SNTG2: variants seen among roughly 807,000 people sequenced by gnomAD.
The protein encoded by SNTG2 is syntrophin gamma 2.
A neutral mutation model predicts 70.9 loss-of-function variants in SNTG2; 74 were observed. The ratio of observed to expected loss-of-function variants is 1.04; its 90% CI spans 0.86 to 1.27. The LOEUF (loss-of-function observed/expected upper bound fraction) is 1.27, where lower values mean the gene tolerates loss of function less well. Ranked by LOEUF, SNTG2 falls within the 50% of genes most tolerant of loss-of-function variation. The probability of loss-of-function intolerance (pLI) is 0.00; values close to 1 mark genes in which losing one functional copy is unlikely to be tolerated. For missense variants in SNTG2, 717 were observed against 690.7 expected, an observed-to-expected ratio of 1.04 and a Z score of -0.43; for synonymous variants, 278 against 273.8, an observed-to-expected ratio of 1.02 and a Z score of -0.15.
chr2:1,078,896 A>G (rs1664097363), intron 1 of SNTG2, among the ~76,000 whole-genome samples: 1 of 152,196 alleles, frequency 6.6e-6, no homozygotes, highest in African/African-American at 2.4e-5. Flanking sequence ...CAACCAAGAC[A>G]GCAGGGTGAT....
chr2:1,235,799 C>T (rs1044678555), intron 9 of SNTG2, among the ~76,000 whole-genome samples: 5 of 152,198 alleles, frequency 3.3e-5, no homozygotes, highest in Non-Finnish European at 7.3e-5. Flanking sequence ...AGAATAAAAG[C>T]GTAGAGCTCT....
intron 16 of SNTG2, among the ~76,000 whole-genome samples, chr2:1,337,438 T>C (rs976516025): frequency 2.6e-5 from 4 of 152,306 alleles, no homozygotes; most frequent in Admixed American, 1.3e-4. Context: ...TTCTAATGAT[T>C]ATTGATGTTG....
chr2:1,172,538 G>A (rs1170207256), intron 7 of SNTG2, among the ~76,000 whole-genome samples: 1 of 152,190 alleles, frequency 6.6e-6, no homozygotes, highest in African/African-American at 2.4e-5. Flanking sequence ...GTAATCCATG[G>A]AGCATGAAGA....
At chr2:1,232,225 A>G (rs971433784) in intron 9 of SNTG2, among the ~76,000 whole-genome samples, 4 of 152,126 alleles carry the variant, frequency 2.6e-5, no homozygotes, top group African/African-American at 9.7e-5. Flanking sequence ...CAGGGGAGAA[A>G]TTCTCTTTCT....
intron 13 of SNTG2, among the ~76,000 whole-genome samples, chr2:1,264,602 C>T (rs922141388): frequency 6.6e-6 from 1 of 152,264 alleles, no homozygotes; most frequent in Non-Finnish European, 1.5e-5. Context: ...CATTTCAGAC[C>T]ATTCATCTCA....
At chr2:1,073,644 T>C (rs1663725019) in intron 1 of SNTG2, among the ~76,000 whole-genome samples, 3 of 152,312 alleles carry the variant, frequency 2.0e-5, no homozygotes, top group Middle Eastern at 6.8e-3. Context: ...TTGTTCTTCT[T>C]TCACACACAC....
intron 16 of SNTG2, among the ~76,000 whole-genome samples, chr2:1,355,854 A>G (rs1169484516): frequency 6.6e-6 from 1 of 152,102 alleles, no homozygotes; most frequent in East Asian, 1.9e-4. Flanking sequence ...GGTATTTTCT[A>G]TGTGGATGTG....
At chr2:1,299,468 C>T (rs1680357911) in intron 14 of SNTG2, among the ~76,000 whole-genome samples, 1 of 152,148 alleles carries the variant, frequency 6.6e-6, no homozygotes, top group Non-Finnish European at 1.5e-5. Context: ...ACCCCAGCTT[C>T]CATCCCTGTC....
intron 1 of SNTG2, among the ~76,000 whole-genome samples, chr2:994,844 CT>C (rs1461050518): frequency 1.3e-5 from 2 of 150,138 alleles, no homozygotes; most frequent in African/African-American, 4.9e-5. Flanking sequence ...GAATTATTTC[CT>C]TAATTTTAGT....
chr2:1,158,340 A>G (rs1263207590), intron 6 of SNTG2: 1 of 152,212 alleles, frequency 6.6e-6, no homozygotes, highest in Non-Finnish European at 1.5e-5. Context: ...ATCTGAGTAC[A>G]CTATGAGAAG....
At chr2:1,137,477 C>G in intron 4 of SNTG2, 145 bp from the exon 5 acceptor site, 1 of 793,102 alleles carries the variant, frequency 1.3e-6, no homozygotes, top group Non-Finnish European at 2.1e-6. Flanking sequence ...CACACACAAA[C>G]ACACATCTGC....
chr2:1,214,757 C>T (rs1046780005), intron 9 of SNTG2, among the ~76,000 whole-genome samples: 9 of 152,144 alleles, frequency 5.9e-5, no homozygotes, highest in African/African-American at 1.2e-4. Flanking sequence ...CTTGTTAGCA[C>T]TTCCAGTACT....
chr2:1,072,253 C>T (rs902417859), intron 1 of SNTG2, among the ~76,000 whole-genome samples: 3 of 151,878 alleles, frequency 2.0e-5, no homozygotes, highest in Non-Finnish European at 4.4e-5. Context: ...AAAGGACAAG[C>T]TGACTCTCTG....
Position 1,295,832 on chromosome 2 carries a change from C to T in SNTG2, c.1285-12662C>T, listed in dbSNP as rs185884041. On this transcript the variant is annotated intron_variant, in intron 14 of 16. Coordinates refer to ENST00000308624, the MANE Select transcript of SNTG2 (RefSeq NM_018968.4). ...ATCAATGTCTTCCACTGTAGAAGGC[C>T]GAGTCTCCTATGTTGGGGTAGGAGG... 7.5e-3 allele frequency among the ~76,000 whole-genome samples: 698 copies of T among 92,678 alleles called. 6 individuals carry two copies. Among genetic ancestry groups the T allele is most frequent in the African/African-American group, 0.027 (622 of 23,470 alleles). The allele number at this position is 92,678 out of a possible 152,430, so 60.8% of individuals were successfully genotyped here. A position where few individuals can be genotyped will look rare whatever the true frequency, so the allele number is the denominator to read the frequency against.
intron 14 of SNTG2, among the ~76,000 whole-genome samples, chr2:1,279,222 G>A (rs1455842886): frequency 1.3e-5 from 2 of 152,208 alleles, no homozygotes; most frequent in African/African-American, 4.8e-5. Context: ...GACTCTTACA[G>A]CGTTGCAGTG....
intron 1 of SNTG2, among the ~76,000 whole-genome samples, chr2:991,554 T>C (rs1056798497): frequency 1.3e-5 from 2 of 152,190 alleles, no homozygotes; most frequent in Non-Finnish European, 2.9e-5. Context: ...AGTTTTGACC[T>C]AATACTCATG....
intron 1 of SNTG2, among the ~76,000 whole-genome samples, chr2:998,236 A>G (rs536334977): frequency 3.9e-5 from 6 of 152,298 alleles, no homozygotes; most frequent in African/African-American, 1.4e-4. Flanking sequence ...TTCTGGAAGT[A>G]TGAACAGAGT....
At chr2:1,052,888 T>A (rs1662154293) in intron 1 of SNTG2, among the ~76,000 whole-genome samples, 1 of 152,318 alleles carries the variant, frequency 6.6e-6, no homozygotes, top group Non-Finnish European at 1.5e-5. Context: ...ACTTCACAGG[T>A]TTTGAAAGTC....
intron 9 of SNTG2, among the ~76,000 whole-genome samples, chr2:1,226,555 C>G (rs1393191523): frequency 6.6e-6 from 1 of 152,190 alleles, no homozygotes; most frequent in African/African-American, 2.4e-5. Flanking sequence ...ACAGTGACCT[C>G]CTGGACACGG....
Sources: allele counts gnomAD v4.1 joint callset (sites outside exome capture counted in the v4.1 genomes callset), GRCh38; gene constraint gnomAD v4.1.1; transcripts MANE v1.5; gene names NCBI Gene and HGNC (gene_info 2026-07-23, HGNC 2026-07-21).